Variants in CUL9 observed in about 807,000 individuals in gnomAD.
CUL9 encodes the protein cullin 9.
CUL9 carries 79 observed loss-of-function variants against 272.6 expected under a neutral mutation model. The observed-to-expected ratio is 0.29, with a 90% confidence interval of 0.24 to 0.35. The LOEUF is 0.35. Ranked by LOEUF, CUL9 falls within the 10% of genes least tolerant of loss-of-function variation. The pLI, the probability that CUL9 is intolerant of heterozygous loss-of-function variation, is 1.00. For synonymous variants in CUL9, 1,186 were observed against 1,286.5 expected (o/e 0.92, Z 1.67); for missense variants, 2,532 against 3,255.6 (o/e 0.78, Z 5.41).
intron 8 of CUL9, among the ~76,000 whole-genome samples, chr6:43,192,059 CT>C (rs777284621): frequency 4.4e-3 from 524 of 118,598 alleles, no homozygotes; most frequent in Middle Eastern, 0.02. Context: ...CCCCTTTTCT[CT>C]TTTTTTTTTT....
At chr6:43,194,583 T>C (rs897290771) in intron 9 of CUL9, among the ~76,000 whole-genome samples, 2 of 151,644 alleles carry the variant, frequency 1.3e-5, no homozygotes. Flanking sequence ...TCTCCCAAAG[T>C]GCTGGGATTA....
intron 9 of CUL9, among the ~76,000 whole-genome samples, chr6:43,194,430 C>T (rs535328770): frequency 2.0e-5 from 3 of 151,990 alleles, no homozygotes; most frequent in South Asian, 2.1e-4. Flanking sequence ...GCGATTCTCC[C>T]GCCTCAGCCT....
Position 43,218,628 on chromosome 6 carries a change from G to C in CUL9, c.6283-1831G>C, listed in dbSNP as rs181589611. 2.6e-5 allele frequency among the ~76,000 whole-genome samples: 4 copies of C among 152,326 alleles called. No individual in the cohort carries two copies. The East Asian group carries it at 7.7e-4, about 29-fold the overall frequency. ...ACTGTTGTACGAGAGACAAGAGATG[G>C]TGGTAGTTTGGACTGGGGCAGTGGC... On this transcript the variant is annotated intron_variant, in intron 31 of 40. Transcript: ENST00000252050. The surrounding 1 kb of genome is among the most constrained non-coding windows in gnomAD (Gnocchi z 4.4).
intron 31 of CUL9, among the ~76,000 whole-genome samples, chr6:43,219,579 G>A (rs1776176162): frequency 6.6e-6 from 1 of 152,192 alleles, no homozygotes; most frequent in African/African-American, 2.4e-5. Context: ...GGTACTTTGA[G>A]TAAAAATGAC....
rs975605134 is a variant in CUL9 at position 43,196,206 on chromosome 6, C to T, written c.2526C>T (p.Gly842=). ...GCATCGACTCAGCCACACGCCCGGG[C>T]TCTGAGAGCCTGCTCCTCACTGTCC... ...FASIDSATRP[G]SESLLLTVPA... is the part of the protein sequence containing the mutation. Residue 842 remains glycine (G), a synonymous_variant, in exon 10 of 41, where the codon GGC becomes GGT. Coordinates refer to ENST00000252050, the MANE Select transcript of CUL9 (RefSeq NM_015089.4). The T allele has an allele frequency of 2.5e-6, 4 of 1,614,080 alleles. No homozygotes were observed. Among genetic ancestry groups the T allele is most frequent in the Admixed American group, 1.7e-5 (1 of 60,010 alleles).
rs1356348260 is a variant in CUL9 at position 43,224,450 on chromosome 6, G to A, written c.*5G>A. ...GAAGATGAGGCCTATGACTGAGGGG[G>A]CAGATGCAGGAAACACCTAGAGCAG... On this transcript the variant is annotated 3_prime_UTR_variant, in exon 41 of 41. Coordinates refer to ENST00000252050, the MANE Select transcript of CUL9 (RefSeq NM_015089.4). This position sits in a 1 kb window ranked among gnomAD's most constrained non-coding sequence, Gnocchi z 4.2. 2.5e-6 allele frequency: 4 copies of A among 1,611,676 alleles called. No individual in the cohort carries two copies. The South Asian group carries it at 3.3e-5, about 13-fold the overall frequency.
At position 43,202,731 on chromosome 6, in the gene CUL9, G is replaced by A. The variant is rs763408580; in HGVS notation, c.3663G>A (p.Leu1221=). The change falls in exon 17 of 41, where the codon CTG becomes CTA. Residue 1221 remains leucine (L), a synonymous_variant. Coordinates refer to ENST00000252050, the MANE Select transcript of CUL9 (RefSeq NM_015089.4). The part of the protein sequence containing the change: ...RGVLVRQLTL[L]VASEDSSYMP... ...TCTTTCCCAGGCAGCTCACTTTGCT[G>A]GTGGCCAGTGAGGACTCAAGCTACA... 1.1e-5 allele frequency: 18 copies of A among 1,614,112 alleles called. No individual in the cohort carries two copies. The highest frequency in any genetic ancestry group is 1.5e-5 in the Non-Finnish European group (18 of 1,179,984).
chr6:43,189,388 G>A (rs1436810949), intron 8 of CUL9, among the ~76,000 whole-genome samples: 3 of 151,926 alleles, frequency 2.0e-5, no homozygotes, highest in African/African-American at 7.3e-5. Flanking sequence ...GTTTCATCAT[G>A]TTTGCCAGGA....
In CUL9 at chr6:43,196,211, A is replaced by G. The variant is rs1437663391; in HGVS notation, c.2531A>G (p.Glu844Gly). Residue 844 changes from glutamate (E) to glycine (G), a missense_variant, in exon 10 of 41, where the codon GAG (glutamate) becomes GGG (glycine). By Grantham distance (98) the Glu-to-Gly change is moderately conservative. Transcript: ENST00000252050. ...GACTCAGCCACACGCCCGGGCTCTG[A>G]GAGCCTGCTCCTCACTGTCCCTGCA... ...SIDSATRPGS[E>G]SLLLTVPAAV... The G allele has an allele frequency of 3.3e-5, 53 of 1,614,024 alleles. No homozygotes were observed. The highest frequency in any genetic ancestry group is 4.2e-5 in the Non-Finnish European group (49 of 1,180,038).
intron 26 of CUL9, among the ~76,000 whole-genome samples, chr6:43,209,484 A>G (rs1242413714): frequency 6.6e-6 from 1 of 151,394 alleles, no homozygotes; most frequent in Non-Finnish European, 1.5e-5. Context: ...AATGTTTTCT[A>G]TGACTTCATT....
In CUL9 at chr6:43,186,009, C is replaced by T. The variant is rs1399763441; in HGVS notation, c.805C>T (p.Leu269Phe). 2 of 1,614,064 alleles carry T rather than the reference C, an allele frequency of 1.2e-6. No individual in the cohort carries two copies. Among genetic ancestry groups the T allele is most frequent in the African/African-American group, 1.3e-5 (1 of 74,926 alleles). Residue 269 changes from leucine (L) to phenylalanine (F), a missense_variant, in exon 4 of 41, where the codon CTC becomes TTC. Physicochemically the swap from Leu to Phe is conservative, Grantham distance 22. Coordinates refer to ENST00000252050, the MANE Select transcript of CUL9 (RefSeq NM_015089.4). ...GAAGCGCTACCTTTGTGTCACGTCC[C>T]TCCTGGATCAGCTGAATAGCAGTCC... is the stretch of plus-strand genomic sequence containing the variant. Reference protein sequence around the residue: ...LVKRYLCVTSLLDQLNSSPEL... With the variant: ...LVKRYLCVTSFLDQLNSSPEL...
chr6:43,221,633 G>C lies in CUL9; in HGVS notation c.6753-52G>C, dbSNP rs572748005. 2.9e-5 allele frequency: 44 copies of C among 1,540,354 alleles called. No homozygotes were observed. The Admixed American group carries it at 7.3e-4, about 26-fold the overall frequency. On this transcript the variant is annotated intron_variant, in intron 34 of 40. Coordinates refer to ENST00000252050, the MANE Select transcript of CUL9 (RefSeq NM_015089.4). The surrounding 1 kb of genome is among the most constrained non-coding windows in gnomAD (Gnocchi z 4.2). Reference sequence around the variant, plus strand: ...TACATCTGGGCCCTTGGCATTCCTGGCACACCCCTGCCCAGAGGCAGGAGT... The same window carrying C: ...TACATCTGGGCCCTTGGCATTCCTGCCACACCCCTGCCCAGAGGCAGGAGT...
chr6:43,221,082 T>C lies in CUL9; in HGVS notation c.6589-76T>C. The C allele has an allele frequency of 3.9e-6, 6 of 1,542,908 alleles. No individual in the cohort carries two copies. The Admixed American group carries it at 1.1e-4, about 29-fold the overall frequency. ...CCCTCCAAATGTGATCTGTGCCTGC[T>C]CCCCTCTCTCCTGTGCACACCAGCC... is the stretch of plus-strand genomic sequence containing the variant. On this transcript the variant is annotated intron_variant, in intron 33 of 40. Coordinates refer to ENST00000252050, the MANE Select transcript of CUL9 (RefSeq NM_015089.4). The surrounding 1 kb of genome is among the most constrained non-coding windows in gnomAD (Gnocchi z 4.2).
At chr6:43,217,640 C>T (rs931602355) in intron 31 of CUL9, among the ~76,000 whole-genome samples, 5 of 152,332 alleles carry the variant, frequency 3.3e-5, no homozygotes, top group Admixed American at 6.5e-5. Flanking sequence ...CTTGTGTGCA[C>T]GTGCATGCGT....
chr6:43,185,249 TTAG>T lies in CUL9; in HGVS notation c.596-203_596-201del, dbSNP rs1267341679. Reference sequence around the variant, plus strand: ...AACTTAAGTCATTAGTGTGTAGCACTTAGTAGGGGTAAATTTTGTAGCATAAAA... The same window carrying T: ...AACTTAAGTCATTAGTGTGTAGCACTTAGGGGTAAATTTTGTAGCATAAAA... On this transcript the variant is annotated intron_variant, in intron 2 of 40. Coordinates refer to ENST00000252050, the MANE Select transcript of CUL9 (RefSeq NM_015089.4). Among the ~76,000 whole-genome samples, 6 of 152,362 alleles carry T rather than the reference TTAG, an allele frequency of 3.9e-5. No homozygotes were observed. In the South Asian group the frequency reaches 1.0e-3, roughly 26 times the overall value.
Position 43,203,066 on chromosome 6 carries a change from C to T in CUL9, c.3754-43C>T, listed in dbSNP as rs1445823245. On this transcript the variant is annotated intron_variant, in intron 17 of 40. Transcript: ENST00000252050. The surrounding 1 kb of genome is among the most constrained non-coding windows in gnomAD (Gnocchi z 5.0). ...GTCAACAATTTTTCCAACCTTGTTT[C>T]TGGAGGTGACAGTTCTCTCCCTCTT... The T allele has an allele frequency of 6.2e-7, 1 of 1,602,766 alleles. No homozygotes were observed. The highest frequency in any genetic ancestry group is 8.5e-7 in the Non-Finnish European group (1 of 1,171,434).
Position 43,213,772 on chromosome 6 carries a change from C to G in CUL9, c.5548C>G (p.Pro1850Ala). The change falls in exon 29 of 41, where the codon CCT (proline) becomes GCT (alanine). Residue 1850 changes from proline (P) to alanine (A), a missense_variant. By Grantham distance (27) the Pro-to-Ala change is conservative (BLOSUM62 -1). This residue lies in a region of CUL9 where 2,218 missense variants were observed against 2,788.6 expected (regional missense o/e 0.80). Transcript: ENST00000252050. The surrounding 1 kb of genome is among the most constrained non-coding windows in gnomAD (Gnocchi z 5.7). ...CAGTGGGGAGGCCCTGTGGCTGATA[C>G]CTCCCCAGGCATACCTGAACGTAGA... ...QRSGEALWLI[P>A]PQAYLNVEKD... is the part of the protein sequence containing the mutation. 6.2e-7 allele frequency: 1 copy of G among 1,614,068 alleles called. No individual in the cohort carries two copies. The highest frequency in any genetic ancestry group is 8.5e-7 in the Non-Finnish European group (1 of 1,180,022).
rs1473836430 is a variant in CUL9 at position 43,199,617 on chromosome 6, A to G, written c.3156+246A>G. The stretch of plus-strand genomic sequence containing the variant: ...GACTAAGGAGAAGCCCACATTCACC[A>G]ATCCAGACAGCTGTCCTCCCTTCCG... On this transcript the variant is annotated intron_variant, in intron 13 of 40. Transcript: ENST00000252050. This position sits in a 1 kb window ranked among gnomAD's most constrained non-coding sequence, Gnocchi z 4.4. Among the ~76,000 whole-genome samples, 1 of 152,256 alleles carries G rather than the reference A, an allele frequency of 6.6e-6. No homozygotes were observed. Among genetic ancestry groups the G allele is most frequent in the Non-Finnish European group, 1.5e-5 (1 of 68,046 alleles).
At position 43,200,418 on chromosome 6, in the gene CUL9, C is replaced by T. The variant is rs1202707085; in HGVS notation, c.3385-18C>T. ...CTCCCTCTCCTCTTCCTCATTCTCC[C>T]TGATGTTCCGGCTGCAGATGGTGCT... On this transcript the variant is annotated intron_variant, in intron 14 of 40. Coordinates refer to ENST00000252050, the MANE Select transcript of CUL9 (RefSeq NM_015089.4). This position sits in a 1 kb window ranked among gnomAD's most constrained non-coding sequence, Gnocchi z 4.0. The T allele has an allele frequency of 1.9e-6, 3 of 1,614,014 alleles. No homozygotes were observed. Among genetic ancestry groups the T allele is most frequent in the Non-Finnish European group, 2.5e-6 (3 of 1,180,048 alleles).
Sources: gnomAD v4.1 joint callset for allele counts (sites outside exome capture counted in the v4.1 genomes callset) on GRCh38, gnomAD v4.1.1 for gene constraint, gnomAD v4.1.1 regional missense constraint, Gnocchi (gnomAD v3.1) non-coding constraint, MANE v1.5 for transcripts, NCBI Gene and HGNC (gene_info 2026-07-23, HGNC 2026-07-21) for gene names.